UBE2U: variants seen among roughly 807,000 people sequenced by gnomAD.
The protein encoded by UBE2U is ubiquitin conjugating enzyme E2 U.
UBE2U carries 39 observed loss-of-function variants against 41.2 expected under a neutral mutation model. The observed-to-expected ratio is 0.95, with a 90% confidence interval of 0.73 to 1.24. UBE2U has a LOEUF of 1.24. Among genes scored for constraint, UBE2U ranks in the 50% most tolerant of loss-of-function variants. The probability of loss-of-function intolerance (pLI) is 0.00; values close to 1 mark genes in which losing one functional copy is unlikely to be tolerated. For missense variants in UBE2U, 336 were observed against 363.1 expected, an observed-to-expected ratio of 0.93 and a Z score of 0.61; for synonymous variants, 107 against 117.8, an observed-to-expected ratio of 0.91 and a Z score of 0.60.
At chr1:64,228,218 G>A (rs17126246) in intron 6 of UBE2U, among the ~76,000 whole-genome samples, 22,706 of 152,012 alleles carry the variant, frequency 0.15, 2,083 homozygotes, top group East Asian at 0.44. Flanking sequence ...GGTCAAATTC[G>A]TGTTCCTGAA....
intron 6 of UBE2U, among the ~76,000 whole-genome samples, chr1:64,224,900 A>G (rs1652756410): frequency 6.6e-6 from 1 of 151,382 alleles, no homozygotes; most frequent in South Asian, 2.1e-4. Context: ...AAATAAATGA[A>G]AAGAGTGCCT....
rs1557730256 is a variant in UBE2U, at chr1:64,239,128, A to AGAGGAAGAGGAAGAGGAAGAGGAAGAG, written c.596-2522_596-2521insGGAAGAGGAAGAGGAAGAGGAAGAGGA. Among the ~76,000 whole-genome samples, 70 of 23,354 alleles carry AGAGGAAGAGGAAGAGGAAGAGGAAGAG rather than the reference A, an allele frequency of 3.0e-3. 3 individuals are homozygous for AGAGGAAGAGGAAGAGGAAGAGGAAGAG. The East Asian group carries it at 0.043, about 15-fold the overall frequency. The allele number at this position is 23,354 out of a possible 152,430, so 15.3% of individuals were successfully genotyped here. A position where few individuals can be genotyped will look rare whatever the true frequency, so the allele number is the denominator to read the frequency against. ...AAGAAGAAGAAGAAGAAGAAGAAGA[A>AGAGGAAGAGGAAGAGGAAGAGGAAGAG]GAAGAAGAAGAAGAAGAAGAAGAAG... On this transcript the variant is annotated intron_variant, in intron 7 of 9. Coordinates refer to ENST00000371077, the MANE Select transcript of UBE2U (RefSeq NM_001366232.2).
At chr1:64,240,147 A>G (rs535133551) in intron 7 of UBE2U, among the ~76,000 whole-genome samples, 2 of 152,342 alleles carry the variant, frequency 1.3e-5, no homozygotes, top group South Asian at 4.1e-4. Context: ...TCCAGAAAAT[A>G]CTAATGCAGG....
At chr1:64,223,503 T>C (rs771439078) in intron 6 of UBE2U, among the ~76,000 whole-genome samples, 1 of 152,136 alleles carries the variant, frequency 6.6e-6, no homozygotes, top group African/African-American at 2.4e-5. Flanking sequence ...TCCCCTGTGG[T>C]TTTTATTTTT....
chr1:64,259,580 A>G (rs796508336), intron 8 of UBE2U, among the ~76,000 whole-genome samples: 12 of 152,232 alleles, frequency 7.9e-5, no homozygotes, highest in African/African-American at 2.4e-4. Flanking sequence ...TAAATAGGGA[A>G]TCCTTTCCCC....
intron 5 of UBE2U, among the ~76,000 whole-genome samples, chr1:64,220,398 A>G (rs1260722152): frequency 1.3e-5 from 2 of 152,106 alleles, no homozygotes; most frequent in South Asian, 2.1e-4. Flanking sequence ...TTTTGTTTCT[A>G]CTGTCCTCCA....
At position 64,239,731 on chromosome 1, in the gene UBE2U, G is replaced by A. The variant is rs189446130; in HGVS notation, c.596-1921G>A. Among the ~76,000 whole-genome samples, 826 of 152,144 alleles carry A rather than the reference G, an allele frequency of 5.4e-3. 4 individuals carry two copies. The highest frequency in any genetic ancestry group is 8.4e-3 in the Non-Finnish European group (570 of 68,004). On this transcript the variant is annotated intron_variant, in intron 7 of 9. Coordinates refer to ENST00000371077, the MANE Select transcript of UBE2U (RefSeq NM_001366232.2). ...TTTTATGGCTGCATAGTATTCCATG[G>A]TGTATATGTGTCACATTTTCTTAAT... is the stretch of plus-strand genomic sequence containing the variant.
At chr1:64,210,703 T>G in intron 3 of UBE2U, 39 bp from the exon 4 acceptor site, 1 of 1,256,018 alleles carries the variant, frequency 8.0e-7, no homozygotes, top group South Asian at 1.8e-5. Flanking sequence ...AATAATAATT[T>G]ATTATAAATG....
intron 8 of UBE2U, 51 bp from the exon 9 acceptor site, chr1:64,260,552 T>A: frequency 7.1e-7 from 1 of 1,401,392 alleles, no homozygotes; most frequent in Non-Finnish European, 9.8e-7. Flanking sequence ...GAAGTAAATA[T>A]ACCCTTACCA....
chr1:64,239,134 A>AG lies in UBE2U; in HGVS notation c.596-2517dup, dbSNP rs1491375882. Among the ~76,000 whole-genome samples the AG allele has an allele frequency of 1.4e-3, 40 of 28,816 alleles. 1 individual carries two copies. The highest frequency in any genetic ancestry group is 2.9e-3 in the African/African-American group (15 of 5,126). 18.9% of individuals were successfully genotyped at this position (28,816 alleles called of 152,430 possible). ...AAGAAGAAGAAGAAGAAGAAGAAGA[A>AG]GAAGAAGAAGAAGAAGAAGAAGAAA... On this transcript the variant is annotated intron_variant, in intron 7 of 9. Coordinates refer to ENST00000371077, the MANE Select transcript of UBE2U (RefSeq NM_001366232.2).
intron 3 of UBE2U, among the ~76,000 whole-genome samples, chr1:64,208,101 C>T (rs1651416647): frequency 6.6e-6 from 1 of 152,106 alleles, no homozygotes; most frequent in African/African-American, 2.4e-5. Flanking sequence ...TTATTTATCA[C>T]ATATTCATAA....
chr1:64,251,221 GT>G (rs1353694932), intron 8 of UBE2U, among the ~76,000 whole-genome samples: 1 of 150,560 alleles, frequency 6.6e-6, no homozygotes, highest in East Asian at 1.9e-4. Flanking sequence ...AAATGTGTTA[GT>G]TTTTTTGAAT....
chr1:64,261,609 G>A (rs1159687248), intron 9 of UBE2U, among the ~76,000 whole-genome samples: 2 of 152,062 alleles, frequency 1.3e-5, no homozygotes, highest in African/African-American at 4.8e-5. Context: ...GGTGTGCCAC[G>A]CAGATTTCCT....
At chr1:64,240,725 A>G (rs1239170630) in intron 7 of UBE2U, among the ~76,000 whole-genome samples, 1 of 152,116 alleles carries the variant, frequency 6.6e-6, no homozygotes, top group African/African-American at 2.4e-5. Context: ...TACTTTCTTC[A>G]TTATTGTTGC....
intron 9 of UBE2U, among the ~76,000 whole-genome samples, chr1:64,265,853 C>T (rs1645247426): frequency 1.3e-5 from 2 of 152,232 alleles, no homozygotes; most frequent in South Asian, 4.1e-4. Context: ...GCTGGGATTA[C>T]AGGTGTAAGC....
chr1:64,206,797 C>G lies in UBE2U; in HGVS notation c.182C>G (p.Ser61Trp), dbSNP rs771505279. The change falls in exon 3 of 10, where the codon TCG becomes TGG. Residue 61 changes from serine to tryptophan, a missense_variant. Physicochemically the swap from Ser to Trp is radical, Grantham distance 177. Transcript: ENST00000371077. ...LVFQLTIHFT[S>W]EYNYAPPVVK... ...TTCCAACTGACAATACATTTTACAT[C>G]GGAGTACAACTATGCTCCTCCAGTT... 8 of 1,604,308 alleles carry G rather than the reference C, an allele frequency of 5.0e-6. No homozygotes were observed. The highest frequency in any genetic ancestry group is 6.0e-6 in the Non-Finnish European group (7 of 1,173,618).
At chr1:64,259,494 T>A (rs185143051) in intron 8 of UBE2U, among the ~76,000 whole-genome samples, 314 of 152,236 alleles carry the variant, frequency 2.1e-3, no homozygotes, top group Non-Finnish European at 3.2e-3. Flanking sequence ...TGAATTAATT[T>A]TTGTATAAGA....
intron 8 of UBE2U, among the ~76,000 whole-genome samples, chr1:64,245,408 T>C (rs942210298): frequency 6.6e-6 from 1 of 152,238 alleles, no homozygotes; most frequent in African/African-American, 2.4e-5. Flanking sequence ...TAGCTAATGA[T>C]TGCTTCTGTG....
intron 6 of UBE2U, among the ~76,000 whole-genome samples, chr1:64,228,236 C>A (rs1052182680): frequency 1.3e-5 from 2 of 152,090 alleles, no homozygotes; most frequent in Non-Finnish European, 2.9e-5. Flanking sequence ...GAATTAGGCA[C>A]CATGGTCAGA....
Sources: gnomAD v4.1 joint callset for allele counts (sites outside exome capture counted in the v4.1 genomes callset) on GRCh38, gnomAD v4.1.1 for gene constraint, MANE v1.5 for transcripts, NCBI Gene and HGNC (gene_info 2026-07-23, HGNC 2026-07-21) for gene names.